FBXO32: variants seen among roughly 807,000 people sequenced by gnomAD.
The protein encoded by FBXO32 is F-box only protein 32.
FBXO32 carries 15 observed loss-of-function variants against 48.3 expected under a neutral mutation model. The observed-to-expected ratio is 0.31, with a 90% CI of 0.21 to 0.48. The LOEUF (loss-of-function observed/expected upper bound fraction) is 0.48, where lower values mean the gene tolerates loss of function less well. Among genes scored for constraint, FBXO32 ranks in the 20% least tolerant of loss-of-function variants. FBXO32 has a pLI of 0.99. For synonymous variants in FBXO32, 154 were observed against 165.9 expected, an observed-to-expected ratio of 0.93 and a Z score of 0.55; for missense variants, 309 against 432.7, an observed-to-expected ratio of 0.71 and a Z score of 2.54.
intron 2 of FBXO32, 143 bp from the exon 3 acceptor site, chr8:123,533,383 C>A: frequency 1.5e-6 from 1 of 669,274 alleles, no homozygotes; most frequent in South Asian, 2.0e-5. Flanking sequence ...GTTTCAAGTG[C>A]TTAATTTCTG....
At chr8:123,519,961 T>C (rs1025349669) in intron 4 of FBXO32, among the ~76,000 whole-genome samples, 12 of 152,180 alleles carry the variant, frequency 7.9e-5, no homozygotes, top group Non-Finnish European at 1.5e-4. Flanking sequence ...ATAATTTTTG[T>C]ATTTTTAGTA....
rs149811337 is a variant in FBXO32, at chr8:123,537,816, C to T, written c.117-3002G>A. On this transcript the variant is annotated intron_variant, in intron 1 of 8. Transcript: ENST00000517956. ...TAAACTTCCTGCTTCCGGGTCCAGC[C>T]TCAGCCATACAGTAAAGTAACATTT... Among the ~76,000 whole-genome samples the T allele has an allele frequency of 4.9e-3, 740 of 152,284 alleles. 4 individuals are homozygous for T. Among genetic ancestry groups the T allele is most frequent in the African/African-American group, 0.017 (716 of 41,548 alleles).
At position 123,503,444 on chromosome 8, in the gene FBXO32, T is replaced by A. The variant is rs760132464; in HGVS notation, c.997A>T (p.Thr333Ser). 1.2e-6 allele frequency: 2 copies of A among 1,614,094 alleles called. No individual in the cohort carries two copies. Among genetic ancestry groups the A allele is most frequent in the Non-Finnish European group, 1.7e-6 (2 of 1,179,954 alleles). ...LSWKGTDHPCTANNPESCSVS... is the reference protein window; with the variant it reads ...LSWKGTDHPCSANNPESCSVS... ...GAGCAGCTCTCTGGGTTATTGGCAG[T>A]GCACGGATGGTCAGTGCCCTGGAAA... Residue 333 changes from threonine to serine, a missense_variant, in exon 9 of 9, where the codon ACT becomes TCT. Physicochemically the swap from Thr to Ser is moderately conservative, Grantham distance 58. Coordinates refer to ENST00000517956, the MANE Select transcript of FBXO32 (RefSeq NM_058229.4).
intron 4 of FBXO32, 151 bp from the exon 5 acceptor site, chr8:123,514,484 C>G (rs1816799290): frequency 2.0e-6 from 1 of 507,594 alleles, no homozygotes; most frequent in Non-Finnish European, 3.4e-6. Flanking sequence ...AGCAGATGCT[C>G]AGAGTGAAAG....
intron 4 of FBXO32, among the ~76,000 whole-genome samples, chr8:123,520,508 T>G (rs1816930940): frequency 6.6e-6 from 1 of 152,148 alleles, no homozygotes; most frequent in Non-Finnish European, 1.5e-5. Context: ...GCCCTTCAGC[T>G]TTGGCTCATG....
At chr8:123,538,814 C>G (rs775162280) in intron 1 of FBXO32, among the ~76,000 whole-genome samples, 16 of 152,030 alleles carry the variant, frequency 1.1e-4, no homozygotes, top group Non-Finnish European at 1.2e-4. Flanking sequence ...GAAAAAGAGG[C>G]TCATGAACAG....
chr8:123,521,597 C>T (rs1270581220), intron 4 of FBXO32, among the ~76,000 whole-genome samples: 1 of 152,200 alleles, frequency 6.6e-6, no homozygotes. Context: ...GCTTCCTCTA[C>T]CTGTTAGTTT....
intron 1 of FBXO32, among the ~76,000 whole-genome samples, chr8:123,538,885 G>A (rs915670542): frequency 2.6e-5 from 4 of 152,206 alleles, no homozygotes; most frequent in Admixed American, 1.3e-4. Flanking sequence ...AACTTTTGTG[G>A]TAAGTTAAGA....
Position 123,503,131 on chromosome 8 carries a change from G to C in FBXO32, c.*242C>G, listed in dbSNP as rs11546887. The C allele has an allele frequency of 2.3e-5, 8 of 345,810 alleles. No homozygotes were observed. The highest frequency in any genetic ancestry group is 1.7e-4 in the African/African-American group (8 of 47,184). The allele number at this position is 345,810 out of a possible 1,614,324, so 21.4% of individuals were successfully genotyped here. On this transcript the variant is annotated 3_prime_UTR_variant, in exon 9 of 9. Transcript: ENST00000517956. ...TTATAGTCTTGCTGGCAAATTGTTA[G>C]AAAAAAAGTTTATTTACAGTATTTT...
chr8:123,509,802 A>C (rs1477710998), intron 6 of FBXO32, among the ~76,000 whole-genome samples: 1 of 152,226 alleles, frequency 6.6e-6, no homozygotes, highest in African/African-American at 2.4e-5. Context: ...GCTCAGAGCC[A>C]AGGAGGGTTG....
At position 123,502,022 on chromosome 8, in the gene FBXO32, G is replaced by A. The variant is rs1011332084; in HGVS notation, c.*1351C>T. 10 of 152,118 alleles carry A rather than the reference G, an allele frequency of 6.6e-5. No individual in the cohort carries two copies. The highest frequency in any genetic ancestry group is 1.9e-4 in the East Asian group (1 of 5,168). 9.4% of individuals were successfully genotyped at this position (152,118 alleles called of 1,614,324 possible). On this transcript the variant is annotated 3_prime_UTR_variant, in exon 9 of 9. Coordinates refer to ENST00000517956, the MANE Select transcript of FBXO32 (RefSeq NM_058229.4). ...ACAGTTACCTGCTGATATTTGCCTC[G>A]TAAGATCCCCTTGGGATCTTCCTGT...
In FBXO32 at chr8:123,512,229, G is replaced by A. The variant is rs377562749; in HGVS notation, c.651+969C>T. On this transcript the variant is annotated intron_variant, in intron 6 of 8. Transcript: ENST00000517956. ...GGAAGTCACATACCTCTGAGCCTTC[G>A]AATGATTCTGTTTCACAGCTTAAAA... Among the ~76,000 whole-genome samples, 43 of 152,276 alleles carry A rather than the reference G, an allele frequency of 2.8e-4. No homozygotes were observed. The South Asian group carries it at 7.7e-3, about 27-fold the overall frequency.
chr8:123,505,900 A>G (rs1816606734), intron 7 of FBXO32, among the ~76,000 whole-genome samples: 2 of 151,788 alleles, frequency 1.3e-5, no homozygotes, highest in South Asian at 4.2e-4. Flanking sequence ...AACTACCTGA[A>G]ACACACACAC....
At chr8:123,523,136 C>T (rs913974918) in intron 4 of FBXO32, among the ~76,000 whole-genome samples, 5 of 152,170 alleles carry the variant, frequency 3.3e-5, no homozygotes, top group Non-Finnish European at 7.3e-5. Flanking sequence ...TTCTGGGTCC[C>T]AGATACTCAG....
chr8:123,513,472 C>A lies in FBXO32; in HGVS notation c.467-90G>T. On this transcript the variant is annotated intron_variant, in intron 5 of 8. Transcript: ENST00000517956. This position sits in a 1 kb window ranked among gnomAD's most constrained non-coding sequence, Gnocchi z 4.3. ...AGCTTGTCTCTGTCTGTATTCCACT[C>A]ATGTTACCCAGGCACTGCCTCTGGG... 1 of 1,126,486 alleles carries A rather than the reference C, an allele frequency of 8.9e-7. No homozygotes were observed. The allele number at this position is 1,126,486 out of a possible 1,614,324, so 69.8% of individuals were successfully genotyped here. A position where few individuals can be genotyped will look rare whatever the true frequency, so the allele number is the denominator to read the frequency against.
Position 123,525,185 on chromosome 8 carries a change from G to T in FBXO32, c.372+6713C>A, listed in dbSNP as rs572459662. Among the ~76,000 whole-genome samples, 26 of 152,308 alleles carry T rather than the reference G, an allele frequency of 1.7e-4. No homozygotes were observed. In the South Asian group the frequency reaches 4.6e-3, roughly 27 times the overall value. On this transcript the variant is annotated intron_variant, in intron 4 of 8. Transcript: ENST00000517956. This position sits in a 1 kb window ranked among gnomAD's most constrained non-coding sequence, Gnocchi z 4.3. ...CATGTTTTTGGAAAATGCTTTCAGGGGTGGTAGGAATGCAGTAACTTGCTG... is the reference window on the plus strand; with the variant it reads ...CATGTTTTTGGAAAATGCTTTCAGGTGTGGTAGGAATGCAGTAACTTGCTG...
intron 1 of FBXO32, among the ~76,000 whole-genome samples, chr8:123,537,047 G>A (rs1001503889): frequency 1.3e-5 from 2 of 152,162 alleles, no homozygotes; most frequent in African/African-American, 2.4e-5. Context: ...GGAAGGGCCT[G>A]GAAAGAAGGG....
At chr8:123,507,382 A>G (rs952040046) in intron 6 of FBXO32, among the ~76,000 whole-genome samples, 4 of 151,980 alleles carry the variant, frequency 2.6e-5, no homozygotes, top group African/African-American at 9.7e-5. Context: ...TGTGGAATGA[A>G]TGAAGCCCAA....
chr8:123,539,754 A>T (rs117842789), intron 1 of FBXO32, among the ~76,000 whole-genome samples: 1 of 152,228 alleles, frequency 6.6e-6, no homozygotes, highest in Non-Finnish European at 1.5e-5. Context: ...CCAAGCAACG[A>T]CTGGTAAATC....
Sources: gnomAD v4.1 joint callset for allele counts (sites outside exome capture counted in the v4.1 genomes callset) on GRCh38, gnomAD v4.1.1 for gene constraint, Gnocchi (gnomAD v3.1) non-coding constraint, MANE v1.5 for transcripts, NCBI Gene and HGNC (gene_info 2026-07-23, HGNC 2026-07-21) for gene names.